Variants in TNNI3K observed in about 807,000 individuals in gnomAD.
The protein encoded by TNNI3K is TNNI3 interacting kinase, also known as serine/threonine-protein kinase TNNI3K.
Under a neutral mutation model 114.5 loss-of-function variants are expected in TNNI3K, and 140 were observed. The ratio of observed to expected loss-of-function variants is 1.22; its 90% CI spans 1.07 to 1.41. The LOEUF is 1.41. Ranked by LOEUF, TNNI3K falls within the 40% of genes most tolerant of loss-of-function variation. TNNI3K has a pLI of 0.00. For synonymous variants in TNNI3K, 347 were observed against 347.5 expected (o/e 1.00, Z 0.02); for missense variants, 1,125 against 1,007.6 (o/e 1.12, Z -1.58).
At chr1:74,370,195 G>T (rs747109706) in intron 16 of TNNI3K, 93 bp from the exon 17 acceptor site, 2 of 1,107,276 alleles carry the variant, frequency 1.8e-6, no homozygotes, top group Non-Finnish European at 2.5e-6. Flanking sequence ...AAATGGTTAA[G>T]ATGATATAAA....
chr1:74,339,103 A>G (rs1660625221), intron 7 of TNNI3K, among the ~76,000 whole-genome samples: 1 of 152,148 alleles, frequency 6.6e-6, no homozygotes, highest in South Asian at 2.1e-4. Context: ...CAGTAGTGTC[A>G]AAATGAATGT....
Position 74,235,388 on chromosome 1 carries a change from C to A in TNNI3K, c.-64C>A. 1 of 1,114,770 alleles carries A rather than the reference C, an allele frequency of 9.0e-7. No individual in the cohort carries two copies. The highest frequency in any genetic ancestry group is 1.6e-5 in the African/African-American group (1 of 62,020). The allele number at this position is 1,114,770 out of a possible 1,614,324, so 69.1% of individuals were successfully genotyped here. A position where few individuals can be genotyped will look rare whatever the true frequency, so the allele number is the denominator to read the frequency against. Reference sequence around the variant, plus strand: ...GTATTTTTCAACTGGACTGTCACTGCACTTGAACTTGGAATCTTATAACTT... The same window carrying A: ...GTATTTTTCAACTGGACTGTCACTGAACTTGAACTTGGAATCTTATAACTT... On this transcript the variant is annotated 5_prime_UTR_variant, in exon 1 of 25. Transcript: ENST00000326637.
chr1:74,369,237 G>A lies in TNNI3K; in HGVS notation c.1445G>A (p.Cys482Tyr). 1 of 1,612,114 alleles carries A rather than the reference G, an allele frequency of 6.2e-7. No individual in the cohort carries two copies. The highest frequency in any genetic ancestry group is 8.5e-7 in the Non-Finnish European group (1 of 1,179,020). The change falls in exon 15 of 25, where the codon TGC (cysteine) becomes TAC (tyrosine). Residue 482 changes from cysteine (C) to tyrosine (Y), a missense_variant. By Grantham distance (194) the Cys-to-Tyr change is radical. Transcript: ENST00000326637. ...TTTGGGAAAGTATATAAAGGACGAT[G>A]CAGAAATAAAATAGTGGCTATAAAA... ...GSFGKVYKGR[C>Y]RNKIVAIKRY...
chr1:74,500,221 A>G (rs1398150446), intron 23 of TNNI3K, among the ~76,000 whole-genome samples: 3 of 151,974 alleles, frequency 2.0e-5, no homozygotes, highest in Non-Finnish European at 4.4e-5. Context: ...TAATGATTTC[A>G]TTGTTTTATA....
At chr1:74,493,369 C>T (rs1669170916) in intron 23 of TNNI3K, among the ~76,000 whole-genome samples, 1 of 152,120 alleles carries the variant, frequency 6.6e-6, no homozygotes, top group East Asian at 1.9e-4. Context: ...GTGAACTTTA[C>T]CTCGATGAAA....
At chr1:74,258,642 C>G (rs1655477188) in intron 4 of TNNI3K, among the ~76,000 whole-genome samples, 1 of 152,144 alleles carries the variant, frequency 6.6e-6, no homozygotes, top group Non-Finnish European at 1.5e-5. Context: ...GATATCATTG[C>G]TCACTTTAAC....
At chr1:74,370,564 G>T in intron 17 of TNNI3K, 172 bp downstream of exon 17, 1 of 435,026 alleles carries the variant, frequency 2.3e-6, no homozygotes. Flanking sequence ...CTTTTAAGGA[G>T]TAGAAAGCTG....
At chr1:74,357,604 T>C (rs892215614) in intron 11 of TNNI3K, among the ~76,000 whole-genome samples, 1 of 152,182 alleles carries the variant, frequency 6.6e-6, no homozygotes, top group African/African-American at 2.4e-5. Context: ...ATATAAAGAA[T>C]GCTTTCTATT....
intron 21 of TNNI3K, among the ~76,000 whole-genome samples, chr1:74,476,374 ATCTG>A (rs1297924280): frequency 6.6e-6 from 1 of 152,114 alleles, no homozygotes; most frequent in Non-Finnish European, 1.5e-5. Flanking sequence ...TATCCTCATT[ATCTG>A]TCTATCACAA....
At chr1:74,289,952 CTAGTCAATCACCAT>C (rs1305091715) in intron 5 of TNNI3K, among the ~76,000 whole-genome samples, 2 of 151,790 alleles carry the variant, frequency 1.3e-5, no homozygotes, top group Non-Finnish European at 3.0e-5. Flanking sequence ...CCTTGAAAAT[CTAGTCAATCACCAT>C]TTTATAGTAA....
At chr1:74,434,335 C>G (rs1203743785) in intron 17 of TNNI3K, among the ~76,000 whole-genome samples, 1 of 151,956 alleles carries the variant, frequency 6.6e-6, no homozygotes, top group African/African-American at 2.4e-5. Context: ...AACTCTTGCC[C>G]TTTGCCAAGA....
chr1:74,483,895 C>G (rs1462172853), intron 21 of TNNI3K, among the ~76,000 whole-genome samples: 1 of 152,078 alleles, frequency 6.6e-6, no homozygotes, highest in Non-Finnish European at 1.5e-5. Context: ...AAATGCCACA[C>G]CTAGGGAGTG....
intron 6 of TNNI3K, among the ~76,000 whole-genome samples, chr1:74,332,414 C>T (rs1055803628): frequency 1.3e-5 from 2 of 152,114 alleles, no homozygotes; most frequent in East Asian, 1.9e-4. Flanking sequence ...CATTCTCCTG[C>T]CTCAGCCTCC....
rs964377882 is a variant in TNNI3K, at chr1:74,480,254, T to C, written c.2122-8935T>C. On this transcript the variant is annotated intron_variant, in intron 21 of 24. Coordinates refer to ENST00000326637, the MANE Select transcript of TNNI3K (RefSeq NM_015978.3). ...GAAGTTGGGAGCTTTGGAATCACAG[T>C]TGGTCTCAGACAGCCTCAGCACACT... 44 of 717,408 alleles carry C rather than the reference T, an allele frequency of 6.1e-5. No individual in the cohort carries two copies. In the Admixed American group the frequency reaches 7.2e-4, roughly 12 times the overall value. The allele number at this position is 717,408 out of a possible 1,614,324, so 44.4% of individuals were successfully genotyped here.
intron 17 of TNNI3K, chr1:74,416,517 T>C: frequency 1.0e-6 from 1 of 985,246 alleles, no homozygotes; most frequent in Non-Finnish European, 1.2e-6. Flanking sequence ...AGTGGGAAGG[T>C]GGCTTACATA....
At chr1:74,410,621 CAA>C (rs1309682302) in intron 17 of TNNI3K, among the ~76,000 whole-genome samples, 1 of 152,136 alleles carries the variant, frequency 6.6e-6, no homozygotes, top group Non-Finnish European at 1.5e-5. Flanking sequence ...TCATCAGCTG[CAA>C]AACTAAACCA....
intron 23 of TNNI3K, among the ~76,000 whole-genome samples, chr1:74,538,793 C>T (rs974324965): frequency 1.3e-5 from 2 of 152,084 alleles, no homozygotes; most frequent in African/African-American, 2.4e-5. Flanking sequence ...TTAACAAATG[C>T]AGAAGCTCTG....
At chr1:74,482,732 A>G (rs910679570) in intron 21 of TNNI3K, among the ~76,000 whole-genome samples, 1 of 152,218 alleles carries the variant, frequency 6.6e-6, no homozygotes, top group Non-Finnish European at 1.5e-5. Flanking sequence ...TAAATTGTTG[A>G]CTTAAGCAAG....
chr1:74,380,073 G>A (rs1663120035), intron 17 of TNNI3K, among the ~76,000 whole-genome samples: 1 of 152,012 alleles, frequency 6.6e-6, no homozygotes, highest in African/African-American at 2.4e-5. Flanking sequence ...CTATCATATT[G>A]CTTGCATAAA....
Sources: gnomAD v4.1 joint callset for allele counts (sites outside exome capture counted in the v4.1 genomes callset) on GRCh38, gnomAD v4.1.1 for gene constraint, MANE v1.5 for transcripts, NCBI Gene and HGNC (gene_info 2026-07-23, HGNC 2026-07-21) for gene names.